Variants in GPC6 observed in about 807,000 individuals in gnomAD.
GPC6 encodes the protein glypican-6.
In GPC6, 14 loss-of-function variants were observed where a neutral mutation model predicts 55.2. The ratio of observed to expected loss-of-function variants is 0.25; its 90% CI spans 0.17 to 0.40. The LOEUF is 0.40. Ranked by LOEUF, GPC6 falls within the 10% of genes least tolerant of loss-of-function variation. The probability of loss-of-function intolerance (pLI) is 1.00; values close to 1 mark genes in which losing one functional copy is unlikely to be tolerated. For synonymous variants in GPC6, 278 were observed against 259.6 expected, an observed-to-expected ratio of 1.07 and a Z score of -0.68; for missense variants, 641 against 708.5, an observed-to-expected ratio of 0.90 and a Z score of 1.08.
At chr13:93,883,322 C>G (rs1302854630) in intron 3 of GPC6, among the ~76,000 whole-genome samples, 2 of 151,886 alleles carry the variant, frequency 1.3e-5, no homozygotes, top group African/African-American at 4.8e-5. Context: ...ACCAAATTGC[C>G]CTGCAGAATG....
intron 1 of GPC6, among the ~76,000 whole-genome samples, chr13:93,451,777 G>A (rs1378612878): frequency 6.6e-6 from 1 of 152,194 alleles, no homozygotes; most frequent in Non-Finnish European, 1.5e-5. Context: ...TTCTAGTTGA[G>A]GGATCAGGTA....
chr13:93,963,617 T>C (rs1451861769), intron 3 of GPC6, among the ~76,000 whole-genome samples: 1 of 152,208 alleles, frequency 6.6e-6, no homozygotes, highest in Non-Finnish European at 1.5e-5. Flanking sequence ...AAAAAATAGC[T>C]GTGCTAAATG....
chr13:93,344,184 A>G (rs1880356246), intron 1 of GPC6, among the ~76,000 whole-genome samples: 1 of 152,142 alleles, frequency 6.6e-6, no homozygotes, highest in Non-Finnish European at 1.5e-5. Context: ...AGGCCATTCT[A>G]GCCTTTTCAT....
At chr13:94,213,314 A>G (rs1481561612) in intron 4 of GPC6, among the ~76,000 whole-genome samples, 1 of 152,210 alleles carries the variant, frequency 6.6e-6, no homozygotes, top group Admixed American at 6.5e-5. Flanking sequence ...AATAATCATT[A>G]TAATTATAGG....
intron 3 of GPC6, among the ~76,000 whole-genome samples, chr13:93,910,592 G>A (rs940989304): frequency 2.6e-5 from 4 of 151,972 alleles, no homozygotes; most frequent in African/African-American, 9.7e-5. Flanking sequence ...TATCACCACT[G>A]GCCCAGATAC....
At chr13:93,785,312 G>A (rs1236567838) in intron 2 of GPC6, among the ~76,000 whole-genome samples, 5 of 152,146 alleles carry the variant, frequency 3.3e-5, no homozygotes, top group Non-Finnish European at 7.4e-5. Flanking sequence ...TAGAAAAGAA[G>A]AGTATAGTCT....
At chr13:94,342,365 T>A (rs1213957670) in intron 6 of GPC6, among the ~76,000 whole-genome samples, 6 of 152,072 alleles carry the variant, frequency 3.9e-5, no homozygotes, top group Admixed American at 1.3e-4. Context: ...ACTGGCTTCC[T>A]AATAAGAAGG....
chr13:93,541,176 T>G (rs9561389), intron 1 of GPC6, among the ~76,000 whole-genome samples: 1 of 87,738 alleles, frequency 1.1e-5, no homozygotes, highest in Admixed American at 1.6e-4. Flanking sequence ...CCCTCCCCCC[T>G]CCCCCCACCC....
intron 4 of GPC6, among the ~76,000 whole-genome samples, chr13:94,246,264 C>T (rs1413258042): frequency 6.6e-6 from 1 of 151,796 alleles, no homozygotes; most frequent in Non-Finnish European, 1.5e-5. Context: ...GATATTAAGC[C>T]CTTATCTGAT....
At chr13:94,255,231 C>A (rs777650055) in intron 4 of GPC6, among the ~76,000 whole-genome samples, 6 of 152,134 alleles carry the variant, frequency 3.9e-5, no homozygotes, top group Admixed American at 6.5e-5. Flanking sequence ...GACTTATAAT[C>A]AAAGAACCTT....
intron 1 of GPC6, among the ~76,000 whole-genome samples, chr13:93,265,334 A>C (rs534650975): frequency 6.6e-6 from 1 of 152,316 alleles, no homozygotes; most frequent in South Asian, 2.1e-4. Context: ...AGCATCCCTC[A>C]ACTGAAAATC....
At chr13:93,397,535 A>G (rs11618799) in intron 1 of GPC6, among the ~76,000 whole-genome samples, 50,446 of 152,156 alleles carry the variant, frequency 0.33, 10,821 homozygotes, top group Non-Finnish European at 0.49. Context: ...AATATTTACC[A>G]TAGAAAACAT....
intron 2 of GPC6, among the ~76,000 whole-genome samples, chr13:93,740,562 ATAT>A (rs1316610260): frequency 6.6e-6 from 1 of 152,208 alleles, no homozygotes; most frequent in Non-Finnish European, 1.5e-5. Flanking sequence ...AAACAGTTTA[ATAT>A]TACAATTGCT....
chr13:93,310,628 G>A lies in GPC6; in HGVS notation c.160+83012G>A, dbSNP rs9516211. On this transcript the variant is annotated intron_variant, in intron 1 of 8. Coordinates refer to ENST00000377047, the MANE Select transcript of GPC6 (RefSeq NM_005708.5). ...AGGAAAATCCTGTATATAATTTTCC[G>A]GTTTTGGAAAGTTAGTCTACTATAT... 9.9e-4 allele frequency among the ~76,000 whole-genome samples: 150 copies of A among 152,118 alleles called. 1 individual carries two copies. The East Asian group carries it at 0.021, about 22-fold the overall frequency.
chr13:93,794,613 G>C (rs1204051095), intron 2 of GPC6, among the ~76,000 whole-genome samples: 3 of 152,194 alleles, frequency 2.0e-5, no homozygotes. Context: ...CACTTTGAGA[G>C]AGGAGGGAAT....
At position 94,286,475 on chromosome 13, in the gene GPC6, C is replaced by G; in HGVS notation, c.1004C>G (p.Ala335Gly). The G allele has an allele frequency of 6.2e-7, 1 of 1,613,152 alleles. No homozygotes were observed. The highest frequency in any genetic ancestry group is 8.5e-7 in the Non-Finnish European group (1 of 1,179,300). The stretch of plus-strand genomic sequence containing the variant: ...CAAGAAAACAGCATGCAGGTGTCTG[C>G]AAAGGTATTTGCATTAGTAATGTAT... ...NMQENSMQVS[A>G]KVFQGCGQPK... Residue 335 changes from alanine (A) to glycine (G), a missense_variant, in exon 5 of 9, where the codon GCA becomes GGA. Transcript: ENST00000377047.
intron 1 of GPC6, among the ~76,000 whole-genome samples, chr13:93,262,113 T>C (rs1877170066): frequency 6.6e-6 from 1 of 152,144 alleles, no homozygotes; most frequent in Non-Finnish European, 1.5e-5. Context: ...TTTTCACACT[T>C]TTGGACAAAT....
intron 6 of GPC6, among the ~76,000 whole-genome samples, chr13:94,355,342 G>A (rs1049775061): frequency 6.6e-6 from 1 of 151,902 alleles, no homozygotes; most frequent in African/African-American, 2.4e-5. Context: ...CTCTTTCTTC[G>A]GCCATCGTCC....
chr13:94,012,594 T>C (rs991066992), intron 3 of GPC6, among the ~76,000 whole-genome samples: 3 of 152,190 alleles, frequency 2.0e-5, no homozygotes, highest in African/African-American at 7.2e-5. Flanking sequence ...AAAACCACAA[T>C]GTGTTGTGTC....
Sources: allele counts gnomAD v4.1 joint callset (sites outside exome capture counted in the v4.1 genomes callset), GRCh38; gene constraint gnomAD v4.1.1; transcripts MANE v1.5; gene names NCBI Gene and HGNC (gene_info 2026-07-23, HGNC 2026-07-21).